Variants in VRK1 observed in about 807,000 individuals in gnomAD.
VRK1 encodes the protein serine/threonine-protein kinase VRK1.
In VRK1, 33 loss-of-function variants were observed where a neutral mutation model predicts 57.1. That is an observed-to-expected ratio of 0.58 (90% CI 0.44 to 0.77). The LOEUF is 0.77. VRK1 is among the 30% of genes least tolerant of loss of function. VRK1 has a pLI of 0.00. For synonymous variants in VRK1, 137 were observed against 147.8 expected, an observed-to-expected ratio of 0.93 and a Z score of 0.53; for missense variants, 413 against 477.3, an observed-to-expected ratio of 0.87 and a Z score of 1.25.
chr14:96,841,521 C>G (rs1887459673), intron 3 of VRK1, among the ~76,000 whole-genome samples: 1 of 152,092 alleles, frequency 6.6e-6, no homozygotes, highest in Non-Finnish European at 1.5e-5. Context: ...ATTTTAGTAA[C>G]TTTTTGGATG....
chr14:96,851,001 G>A (rs367647087), intron 5 of VRK1, among the ~76,000 whole-genome samples: 204 of 152,224 alleles, frequency 1.3e-3, no homozygotes, highest in African/African-American at 4.6e-3. Context: ...ACATGTATAT[G>A]TGCCCTGGTC....
intron 1 of VRK1, among the ~76,000 whole-genome samples, chr14:96,823,109 G>A (rs1413287863): frequency 6.6e-6 from 1 of 152,150 alleles, no homozygotes; most frequent in African/African-American, 2.4e-5. Context: ...TTCACTGCAA[G>A]CTTTCCCCTT....
chr14:96,806,948 C>G (rs1885904920), intron 1 of VRK1, among the ~76,000 whole-genome samples: 1 of 152,052 alleles, frequency 6.6e-6, no homozygotes, highest in African/African-American at 2.4e-5. Flanking sequence ...TCCTGAGTAG[C>G]TGGAATGACA....
At chr14:96,797,808 G>T (rs979315331) in intron 1 of VRK1, among the ~76,000 whole-genome samples, 3 of 152,238 alleles carry the variant, frequency 2.0e-5, no homozygotes, top group African/African-American at 7.2e-5. Flanking sequence ...GTCAGGCGGG[G>T]CTCCGGGTGA....
At chr14:96,875,482 AG>A (rs1298261776) in intron 11 of VRK1, among the ~76,000 whole-genome samples, 2 of 152,254 alleles carry the variant, frequency 1.3e-5, no homozygotes, top group Admixed American at 1.3e-4. Context: ...GTATGCTAAA[AG>A]AGAAACAATT....
At chr14:96,868,901 T>G (rs1888696126) in intron 11 of VRK1, among the ~76,000 whole-genome samples, 2 of 151,684 alleles carry the variant, frequency 1.3e-5, no homozygotes, top group South Asian at 2.1e-4. Flanking sequence ...GTTCAAGCGA[T>G]TCTCCAGCCT....
In VRK1 at chr14:96,837,772, T is replaced by C; in HGVS notation, c.171T>C (p.Asn57=). Residue 57 remains asparagine (N), a synonymous_variant, in exon 3 of 13, where the codon AAT becomes AAC. Coordinates refer to ENST00000216639, the MANE Select transcript of VRK1 (RefSeq NM_003384.3). ...GFGCIYLADM[N]SSESVGSDAP... is the part of the protein sequence containing the mutation. ...TACTTTTTTAAACAGCTGATATGAA[T>C]TCTTCAGAGTCAGTTGGCAGTGATG... is the stretch of plus-strand genomic sequence containing the variant. 6.4e-7 allele frequency: 1 copy of C among 1,563,298 alleles called. No homozygotes were observed. Among genetic ancestry groups the C allele is most frequent in the Non-Finnish European group, 8.7e-7 (1 of 1,153,688 alleles).
intron 1 of VRK1, among the ~76,000 whole-genome samples, chr14:96,801,135 G>A (rs755365323): frequency 1.3e-5 from 2 of 151,736 alleles, no homozygotes; most frequent in Non-Finnish European, 1.5e-5. Flanking sequence ...TTTGTATGTC[G>A]GCAGATATGT....
chr14:96,869,833 GGGAAGATCA>G (rs1413120092), intron 11 of VRK1, among the ~76,000 whole-genome samples: 1 of 152,064 alleles, frequency 6.6e-6, no homozygotes, highest in East Asian at 1.9e-4. Flanking sequence ...AGTTTATTGA[GGGAAGATCA>G]GGTAGTATGT....
chr14:96,881,078 A>T, intron 12 of VRK1, 99 bp from the exon 13 acceptor site: 4 of 1,049,930 alleles, frequency 3.8e-6, no homozygotes, highest in Non-Finnish European at 5.6e-6. Context: ...ATTTGATTTT[A>T]AAATGTTAAT....
intron 11 of VRK1, among the ~76,000 whole-genome samples, chr14:96,865,579 G>A (rs1888552835): frequency 6.6e-6 from 1 of 152,108 alleles, no homozygotes; most frequent in South Asian, 2.1e-4. Flanking sequence ...TTTGACTAAA[G>A]TTGACTTTAC....
At chr14:96,801,048 T>C (rs1413600410) in intron 1 of VRK1, among the ~76,000 whole-genome samples, 3 of 152,176 alleles carry the variant, frequency 2.0e-5, no homozygotes, top group African/African-American at 7.2e-5. Flanking sequence ...GCAGCCTCAT[T>C]CCACTGTTCC....
At chr14:96,823,306 A>G (rs939145225) in intron 1 of VRK1, among the ~76,000 whole-genome samples, 2 of 152,258 alleles carry the variant, frequency 1.3e-5, no homozygotes, top group Admixed American at 1.3e-4. Flanking sequence ...TGCCTAGAAC[A>G]GTGCTTGGCA....
chr14:96,841,412 C>T (rs1332545584), intron 3 of VRK1, among the ~76,000 whole-genome samples: 2 of 152,082 alleles, frequency 1.3e-5, no homozygotes, highest in East Asian at 3.9e-4. Flanking sequence ...CTGTGTATCT[C>T]CTGTCTCCTA....
At chr14:96,856,061 TA>T in intron 8 of VRK1, 68 bp from the exon 9 acceptor site, 1 of 1,545,746 alleles carries the variant, frequency 6.5e-7, no homozygotes, top group Non-Finnish European at 8.8e-7. Flanking sequence ...GTTATTACTT[TA>T]TATATACTTT....
chr14:96,876,227 A>G (rs550705048), intron 12 of VRK1, 107 bp downstream of exon 12: 1 of 979,532 alleles, frequency 1.0e-6, no homozygotes, highest in African/African-American at 1.6e-5. Flanking sequence ...TTGATTTTAT[A>G]ATAAAATACC....
chr14:96,819,096 G>A (rs535981062), intron 1 of VRK1, among the ~76,000 whole-genome samples: 7 of 152,144 alleles, frequency 4.6e-5, no homozygotes, highest in Admixed American at 3.3e-4. Flanking sequence ...ACTATCTTTC[G>A]TTTGATTTTA....
intron 1 of VRK1, among the ~76,000 whole-genome samples, chr14:96,808,452 T>A (rs1276922801): frequency 1.3e-5 from 2 of 152,190 alleles, no homozygotes; most frequent in Non-Finnish European, 2.9e-5. Flanking sequence ...AGCTCAATTA[T>A]TTTTAAAGTT....
In VRK1 at chr14:96,834,195, T is replaced by G. The variant is rs192895940; in HGVS notation, c.160+564T>G. On this transcript the variant is annotated intron_variant, in intron 2 of 12. Transcript: ENST00000216639. ...TGTTAGGTTAACTAAATTATGGACT[T>G]AAAAAATATTTTACCTGATTGCTTC... Among the ~76,000 whole-genome samples the G allele has an allele frequency of 4.2e-3, 640 of 152,294 alleles. 6 individuals are homozygous for G. The highest frequency in any genetic ancestry group is 0.015 in the African/African-American group (617 of 41,554).
Sources: gnomAD v4.1 joint callset for allele counts (sites outside exome capture counted in the v4.1 genomes callset) on GRCh38, gnomAD v4.1.1 for gene constraint, MANE v1.5 for transcripts, NCBI Gene and HGNC (gene_info 2026-07-23, HGNC 2026-07-21) for gene names.